The following PLPBP variants were observed in gnomAD, a reference collection of about 807,000 sequenced individuals.
PLPBP encodes pyridoxal phosphate homeostasis protein.
PLPBP carries 21 observed loss-of-function variants against 31.2 expected under a neutral mutation model. The ratio of observed to expected loss-of-function variants is 0.67; its 90% confidence interval spans 0.48 to 0.97. PLPBP has a LOEUF of 0.97. Ranked by LOEUF, PLPBP falls within the 50% of genes least tolerant of loss-of-function variation. PLPBP has a pLI of 0.00. For synonymous variants in PLPBP, 124 were observed against 135.6 expected, an observed-to-expected ratio of 0.91 and a Z score of 0.59; for missense variants, 308 against 354.4, an observed-to-expected ratio of 0.87 and a Z score of 1.05.
chr8:37,777,681 CT>C (rs1463828459), intron 7 of PLPBP, among the ~76,000 whole-genome samples: 2 of 152,180 alleles, frequency 1.3e-5, no homozygotes, highest in African/African-American at 4.8e-5. Context: ...TCAAGCAATT[CT>C]CCTGCTTCAG....
intron 4 of PLPBP, among the ~76,000 whole-genome samples, chr8:37,770,413 A>C (rs545647897): frequency 2.0e-5 from 3 of 152,230 alleles, no homozygotes; most frequent in Non-Finnish European, 4.4e-5. Context: ...TGCTGGGAAA[A>C]CTAGATATCC....
chr8:37,769,340 A>G (rs575463531), intron 4 of PLPBP, among the ~76,000 whole-genome samples: 15 of 151,696 alleles, frequency 9.9e-5, no homozygotes, highest in Middle Eastern at 3.4e-3. Flanking sequence ...ATCTAATAAT[A>G]ATAATAATAT....
At chr8:37,768,460 A>ATTTTGTTTTTT (rs1803690161) in intron 4 of PLPBP, among the ~76,000 whole-genome samples, 1 of 101,142 alleles carries the variant, frequency 9.9e-6, no homozygotes, top group African/African-American at 3.7e-5. Context: ...TACAGTTTTG[A>ATTTTGTTTTTT]TTTTCTTTTT....
chr8:37,764,569 C>T (rs1006643086), intron 1 of PLPBP, among the ~76,000 whole-genome samples: 1 of 152,232 alleles, frequency 6.6e-6, no homozygotes, highest in Non-Finnish European at 1.5e-5. Flanking sequence ...GATCCACCCA[C>T]CTCGGCCTCC....
chr8:37,776,375 C>G (rs1342869891), intron 7 of PLPBP, among the ~76,000 whole-genome samples: 1 of 148,950 alleles, frequency 6.7e-6, no homozygotes, highest in African/African-American at 2.5e-5. Flanking sequence ...ACTCAGGAGG[C>G]TGAGGCAGGA....
chr8:37,770,144 G>A (rs1177748056), intron 4 of PLPBP, among the ~76,000 whole-genome samples: 1 of 152,130 alleles, frequency 6.6e-6, no homozygotes, highest in Non-Finnish European at 1.5e-5. Context: ...ACACAGTCCT[G>A]AAATTTATAT....
intron 7 of PLPBP, among the ~76,000 whole-genome samples, chr8:37,776,907 C>T (rs1263045524): frequency 6.6e-6 from 1 of 152,168 alleles, no homozygotes; most frequent in Non-Finnish European, 1.5e-5. Flanking sequence ...GCTGGGATTA[C>T]AGGCGCCTGC....
At chr8:37,770,419 T>C (rs993861968) in intron 4 of PLPBP, among the ~76,000 whole-genome samples, 2 of 152,186 alleles carry the variant, frequency 1.3e-5, no homozygotes, top group African/African-American at 4.8e-5. Flanking sequence ...GAAAACTAGA[T>C]ATCCATATGC....
rs201043042 is a variant in PLPBP, at chr8:37,765,633, C to T, written c.207C>T (p.Tyr69=). 1.4e-4 allele frequency: 232 copies of T among 1,614,184 alleles called. 1 individual carries two copies. The South Asian group carries it at 2.1e-3, about 14-fold the overall frequency. Reference sequence around the variant, plus strand: ...GGCAGCGCACTTTTGGCGAGAACTACGTAAGAGCCCTTTCCTGAAGCCCTT... The same window carrying T: ...GGCAGCGCACTTTTGGCGAGAACTATGTAAGAGCCCTTTCCTGAAGCCCTT... ...GHGQRTFGEN[Y]VQELLEKASN... The change falls in exon 2 of 8, where the codon TAC becomes TAT. Residue 69 remains tyrosine, a splice_region_variant and synonymous_variant. Transcript: ENST00000328195.
chr8:37,766,296 C>G lies in PLPBP; in HGVS notation c.260C>G (p.Pro87Arg). 6.2e-7 allele frequency: 1 copy of G among 1,609,268 alleles called. No individual in the cohort carries two copies. The highest frequency in any genetic ancestry group is 8.5e-7 in the Non-Finnish European group (1 of 1,177,848). Residue 87 changes from proline to arginine, a missense_variant, in exon 4 of 8, where the codon CCT (proline) becomes CGT (arginine). Pro to Arg is a moderately radical substitution (Grantham distance 103). Transcript: ENST00000328195. Reference sequence around the variant, plus strand: ...TCCCCTCAGATTCTGTCTTTGTGTCCTGAGATCAAATGGCACTTCATTGGC... The same window carrying G: ...TCCCCTCAGATTCTGTCTTTGTGTCGTGAGATCAAATGGCACTTCATTGGC... ...ASNPKILSLC[P>R]EIKWHFIGHL...
In PLPBP at chr8:37,763,328, A is replaced by G. The variant is rs187156923; in HGVS notation, c.99+570A>G. Reference sequence around the variant, plus strand: ...GGGAGCTTTCGTCTTTTGTGTATATATATATTACATCCTCTTGGACTTTGA... The same window carrying G: ...GGGAGCTTTCGTCTTTTGTGTATATGTATATTACATCCTCTTGGACTTTGA... On this transcript the variant is annotated intron_variant, in intron 1 of 7. Transcript: ENST00000328195. Among the ~76,000 whole-genome samples the G allele has an allele frequency of 5.3e-5, 8 of 152,266 alleles. No individual in the cohort carries two copies. The East Asian group carries it at 1.5e-3, about 29-fold the overall frequency.
intron 6 of PLPBP, 22 bp downstream of exon 6, chr8:37,775,503 T>A: frequency 6.2e-7 from 1 of 1,612,858 alleles, no homozygotes; most frequent in Non-Finnish European, 8.5e-7. Context: ...TCGGGGAGAT[T>A]GCTCGTGTGC....
intron 4 of PLPBP, among the ~76,000 whole-genome samples, chr8:37,767,103 A>G (rs950475714): frequency 6.6e-6 from 1 of 151,886 alleles, no homozygotes; most frequent in African/African-American, 2.4e-5. Flanking sequence ...TAAGAAAGAC[A>G]TGGAGATCTT....
chr8:37,767,471 T>C (rs1318982107), intron 4 of PLPBP, among the ~76,000 whole-genome samples: 1 of 152,226 alleles, frequency 6.6e-6, no homozygotes, highest in Non-Finnish European at 1.5e-5. Context: ...GTCTGACTTC[T>C]TTCATTCAGT....
At chr8:37,763,604 G>T (rs1196974552) in intron 1 of PLPBP, among the ~76,000 whole-genome samples, 2 of 151,950 alleles carry the variant, frequency 1.3e-5, no homozygotes, top group Non-Finnish European at 2.9e-5. Flanking sequence ...TGTGATTCTC[G>T]GTGATTCTCC....
chr8:37,767,594 A>T (rs1803665159), intron 4 of PLPBP, among the ~76,000 whole-genome samples: 1 of 152,078 alleles, frequency 6.6e-6, no homozygotes, highest in Non-Finnish European at 1.5e-5. Flanking sequence ...CCTGTTGATG[A>T]ATGTTGGGTT....
At chr8:37,767,185 T>G (rs1258993423) in intron 4 of PLPBP, among the ~76,000 whole-genome samples, 1 of 152,176 alleles carries the variant, frequency 6.6e-6, no homozygotes, top group Non-Finnish European at 1.5e-5. Context: ...ACAGCTTTAT[T>G]AGGGAGGTAA....
chr8:37,768,075 G>T (rs1166498815), intron 4 of PLPBP, among the ~76,000 whole-genome samples: 1 of 152,098 alleles, frequency 6.6e-6, no homozygotes, highest in Non-Finnish European at 1.5e-5. Context: ...AAAGTGCTAG[G>T]ATTGCAGGCA....
intron 4 of PLPBP, among the ~76,000 whole-genome samples, chr8:37,767,895 G>A (rs766368938): frequency 7.6e-6 from 1 of 130,768 alleles, no homozygotes; most frequent in Non-Finnish European, 1.5e-5. Context: ...AACCTCCACC[G>A]CCCGAGTTCA....
Sources: allele counts gnomAD v4.1 joint callset (sites outside exome capture counted in the v4.1 genomes callset), GRCh38; gene constraint gnomAD v4.1.1; transcripts MANE v1.5; gene names NCBI Gene and HGNC (gene_info 2026-07-23, HGNC 2026-07-21).